Variants in STXBP5L observed in about 807,000 individuals in gnomAD.
The protein encoded by STXBP5L is syntaxin-binding protein 5-like.
STXBP5L carries 65 observed loss-of-function variants against 144.5 expected under a neutral mutation model. That is an observed-to-expected ratio of 0.45 (90% CI 0.37 to 0.55). STXBP5L has a LOEUF of 0.55. Among genes scored for constraint, STXBP5L ranks in the 20% least tolerant of loss-of-function variants. The pLI, the probability that STXBP5L is intolerant of heterozygous loss-of-function variation, is 0.00. For synonymous variants in STXBP5L, 505 were observed against 469.6 expected (o/e 1.08, Z -0.97); for missense variants, 1,298 against 1,405.5 (o/e 0.92, Z 1.22).
chr3:121,151,352 A>T (rs2045925152), intron 7 of STXBP5L, among the ~76,000 whole-genome samples: 1 of 152,202 alleles, frequency 6.6e-6, no homozygotes, highest in Non-Finnish European at 1.5e-5. Flanking sequence ...GTGGTTTAAT[A>T]ACCAAGCATT....
At chr3:121,094,863 A>G (rs901972381) in intron 5 of STXBP5L, among the ~76,000 whole-genome samples, 2 of 150,840 alleles carry the variant, frequency 1.3e-5, no homozygotes, top group Admixed American at 6.6e-5. Flanking sequence ...GTTTCTTCCT[A>G]GTCTCGATGG....
chr3:121,267,589 A>G (rs902319434), intron 18 of STXBP5L, among the ~76,000 whole-genome samples: 3 of 152,230 alleles, frequency 2.0e-5, no homozygotes, highest in African/African-American at 7.2e-5. Context: ...GAGCTTCTGC[A>G]CAGCAAAAGA....
At chr3:121,082,646 A>G (rs1299503003) in intron 5 of STXBP5L, among the ~76,000 whole-genome samples, 1 of 152,222 alleles carries the variant, frequency 6.6e-6, no homozygotes, top group Admixed American at 6.5e-5. Flanking sequence ...AATGGAGTAC[A>G]TGTGTAAGCA....
chr3:121,278,607 A>T (rs2050955120), intron 18 of STXBP5L, among the ~76,000 whole-genome samples: 1 of 151,934 alleles, frequency 6.6e-6, no homozygotes, highest in Admixed American at 6.6e-5. Flanking sequence ...TTATAATATT[A>T]AGATCAATTC....
chr3:120,945,892 T>TG (rs1016564606), intron 2 of STXBP5L, among the ~76,000 whole-genome samples: 2 of 151,836 alleles, frequency 1.3e-5, no homozygotes, highest in African/African-American at 4.8e-5. Flanking sequence ...ATCTCAGACA[T>TG]GCAAGCATGA....
At chr3:121,385,921 A>C (rs1032275661) in intron 22 of STXBP5L, among the ~76,000 whole-genome samples, 16 of 152,296 alleles carry the variant, frequency 1.1e-4, no homozygotes, top group South Asian at 2.1e-4. Flanking sequence ...ACTGGTTAAT[A>C]GGCTTTGTCT....
chr3:121,107,691 A>T (rs2043778875), intron 5 of STXBP5L, among the ~76,000 whole-genome samples: 1 of 151,904 alleles, frequency 6.6e-6, no homozygotes, highest in Non-Finnish European at 1.5e-5. Flanking sequence ...TCTTGGTTAT[A>T]TGGGCTCTTT....
intron 5 of STXBP5L, among the ~76,000 whole-genome samples, chr3:121,055,325 G>T (rs1053930304): frequency 1.3e-5 from 2 of 151,916 alleles, no homozygotes; most frequent in African/African-American, 4.8e-5. Flanking sequence ...GATATTAGCC[G>T]TTTAATTCTG....
chr3:121,105,738 C>T (rs2043672656), intron 5 of STXBP5L, among the ~76,000 whole-genome samples: 2 of 151,966 alleles, frequency 1.3e-5, no homozygotes, highest in Admixed American at 1.3e-4. Flanking sequence ...ACATGAAACT[C>T]AATAGAACCT....
At chr3:121,191,017 G>T (rs543817290) in intron 9 of STXBP5L, among the ~76,000 whole-genome samples, 4 of 151,064 alleles carry the variant, frequency 2.6e-5, no homozygotes, top group Non-Finnish European at 5.9e-5. Flanking sequence ...CTTCCTAGAC[G>T]GGATGACTGC....
chr3:121,159,915 AGCC>A (rs2046259156), intron 9 of STXBP5L, among the ~76,000 whole-genome samples: 1 of 152,244 alleles, frequency 6.6e-6, no homozygotes, highest in African/African-American at 2.4e-5. Context: ...TACAGGCGTG[AGCC>A]ACCGCGCCCG....
At chr3:121,041,427 G>T (rs757092440) in intron 3 of STXBP5L, among the ~76,000 whole-genome samples, 1 of 152,018 alleles carries the variant, frequency 6.6e-6, no homozygotes, top group South Asian at 2.1e-4. Flanking sequence ...ATGAAATGAG[G>T]TGTATCTAGA....
chr3:121,080,088 C>CT (rs546686196), intron 5 of STXBP5L, among the ~76,000 whole-genome samples: 125 of 151,806 alleles, frequency 8.2e-4, no homozygotes, highest in African/African-American at 2.5e-3. Context: ...CCTTCTTTGT[C>CT]TTTTTTTTAA....
At chr3:121,264,790 A>G (rs1477346812) in intron 18 of STXBP5L, among the ~76,000 whole-genome samples, 1 of 140,804 alleles carries the variant, frequency 7.1e-6, no homozygotes, top group Non-Finnish European at 1.5e-5. Flanking sequence ...ATGTTTACCA[A>G]GCTAATGGAA....
intron 19 of STXBP5L, among the ~76,000 whole-genome samples, chr3:121,280,993 T>G (rs2051042040): frequency 6.6e-6 from 1 of 151,252 alleles, no homozygotes; most frequent in Non-Finnish European, 1.5e-5. Flanking sequence ...TTAAAATAAT[T>G]TATTGAATAT....
intron 3 of STXBP5L, among the ~76,000 whole-genome samples, chr3:120,995,301 C>A (rs770693843): frequency 6.6e-6 from 1 of 152,066 alleles, no homozygotes; most frequent in Non-Finnish European, 1.5e-5. Context: ...GAGTGTTCCA[C>A]CATGCCTGGC....
chr3:121,219,766 T>G (rs2048917710), intron 10 of STXBP5L, among the ~76,000 whole-genome samples: 1 of 152,152 alleles, frequency 6.6e-6, no homozygotes, highest in South Asian at 2.1e-4. Flanking sequence ...ACCCATCTGT[T>G]AAATGGAGAT....
intron 5 of STXBP5L, among the ~76,000 whole-genome samples, chr3:121,078,981 C>A (rs944957419): frequency 1.2e-4 from 18 of 152,222 alleles, no homozygotes; most frequent in Non-Finnish European, 2.5e-4. Context: ...CCGGCCTTGA[C>A]CAGCCCAGAA....
chr3:121,132,247 A>G (rs1189836371), intron 7 of STXBP5L, among the ~76,000 whole-genome samples: 1 of 152,108 alleles, frequency 6.6e-6, no homozygotes, highest in Non-Finnish European at 1.5e-5. Flanking sequence ...CTTACCCCTT[A>G]GGTTGAAAAG....
Sources: allele counts gnomAD v4.1 joint callset (sites outside exome capture counted in the v4.1 genomes callset), GRCh38; gene constraint gnomAD v4.1.1; transcripts MANE v1.5; gene names NCBI Gene and HGNC (gene_info 2026-07-23, HGNC 2026-07-21).